PDZRN4: variants seen among roughly 807,000 people sequenced by gnomAD.
PDZRN4 encodes PDZ domain containing ring finger 4.
Under a neutral mutation model 99.0 loss-of-function variants are expected in PDZRN4, and 70 were observed. That is an observed-to-expected ratio of 0.71 (90% CI 0.58 to 0.86). The LOEUF is 0.86. Ranked by LOEUF, PDZRN4 falls within the 40% of genes least tolerant of loss-of-function variation. The pLI is 0.00. For synonymous variants in PDZRN4, 551 were observed against 501.6 expected (o/e 1.10, Z -1.32); for missense variants, 1,474 against 1,331.2 (o/e 1.11, Z -1.67).
At position 41,191,469 on chromosome 12, in the gene PDZRN4, T is replaced by C; in HGVS notation, c.660T>C (p.His220=). 6.5e-7 allele frequency: 1 copy of C among 1,536,680 alleles called. No homozygotes were observed. The highest frequency in any genetic ancestry group is 1.1e-5 in the South Asian group (1 of 88,948). The change falls in exon 2 of 10, where the codon CAT becomes CAC. Residue 220 remains histidine, a synonymous_variant. Transcript: ENST00000402685. ...ACATTTTTTTCTAGGATGGAGAGCA[T>C]AAGCCATTCACTATTGTGTTAGAAA... ...LGGGHRRDGE[H]KPFTIVLERE...
intron 3 of PDZRN4, among the ~76,000 whole-genome samples, chr12:41,483,834 A>G (rs1216895015): frequency 1.3e-5 from 2 of 152,184 alleles, no homozygotes; most frequent in Non-Finnish European, 2.9e-5. Flanking sequence ...TCAAGTAGAA[A>G]TTCTCTTTGG....
chr12:41,522,465 C>A (rs552337180), intron 5 of PDZRN4, among the ~76,000 whole-genome samples: 77 of 152,128 alleles, frequency 5.1e-4, no homozygotes, highest in African/African-American at 1.8e-3. Context: ...GCAATACAAC[C>A]GAGTGTAGGA....
chr12:41,512,925 G>A (rs1938332563), intron 5 of PDZRN4, among the ~76,000 whole-genome samples: 1 of 152,082 alleles, frequency 6.6e-6, no homozygotes, highest in African/African-American at 2.4e-5. Context: ...ACCAGAGCAA[G>A]AGCAATGCAT....
rs546005519 is a variant in PDZRN4, at chr12:41,308,920, C to G, written c.843+114732C>G. Among the ~76,000 whole-genome samples the G allele has an allele frequency of 5.7e-4, 87 of 152,136 alleles. 1 individual carries two copies. The highest frequency in any genetic ancestry group is 1.9e-3 in the African/African-American group (80 of 41,548). On this transcript the variant is annotated intron_variant, in intron 3 of 9. Coordinates refer to ENST00000402685, the MANE Select transcript of PDZRN4 (RefSeq NM_001164595.2). The stretch of plus-strand genomic sequence containing the variant: ...ATGTGATTTATCACATTCATAAATA[C>G]GCTTATAATAAATTACCTCAATATA...
rs144068676 is a variant in PDZRN4, at chr12:41,261,609, C to A, written c.843+67421C>A. On this transcript the variant is annotated intron_variant, in intron 3 of 9. Transcript: ENST00000402685. ...GGTTCACGCCATTCTCCTGCCTCAGCCTCTCGAGTAGCTGGGACTACAGGC... is the reference window on the plus strand; with the variant it reads ...GGTTCACGCCATTCTCCTGCCTCAGACTCTCGAGTAGCTGGGACTACAGGC... Among the ~76,000 whole-genome samples, 192 of 152,260 alleles carry A rather than the reference C, an allele frequency of 1.3e-3. 2 individuals are homozygous for A. The East Asian group carries it at 0.029, about 23-fold the overall frequency.
chr12:41,470,182 A>G (rs1297888731), intron 3 of PDZRN4, among the ~76,000 whole-genome samples: 1 of 152,082 alleles, frequency 6.6e-6, no homozygotes, highest in Non-Finnish European at 1.5e-5. Flanking sequence ...AGTTTTGTGG[A>G]TACAATTGAG....
intron 3 of PDZRN4, among the ~76,000 whole-genome samples, chr12:41,498,826 G>A (rs940756655): frequency 2.6e-5 from 4 of 151,950 alleles, no homozygotes; most frequent in Non-Finnish European, 4.4e-5. Context: ...GTGTAAATTT[G>A]CTAAATCTGA....
intron 3 of PDZRN4, among the ~76,000 whole-genome samples, chr12:41,421,441 C>T (rs61924137): frequency 0.21 from 32,121 of 152,102 alleles, 3,755 homozygotes; most frequent in Non-Finnish European, 0.27. Context: ...GATCCACCTA[C>T]CTTGGCCTCC....
chr12:41,504,769 G>A (rs1423597388), intron 3 of PDZRN4, among the ~76,000 whole-genome samples: 1 of 152,076 alleles, frequency 6.6e-6, no homozygotes, highest in Non-Finnish European at 1.5e-5. Flanking sequence ...AAAACTCAGT[G>A]ATAATTTTTC....
intron 3 of PDZRN4, among the ~76,000 whole-genome samples, chr12:41,410,530 G>C (rs1952389629): frequency 6.6e-6 from 1 of 152,188 alleles, no homozygotes; most frequent in South Asian, 2.1e-4. Flanking sequence ...GGGCCAGGCT[G>C]AAGTGAAATG....
chr12:41,217,747 C>A (rs990600451), intron 3 of PDZRN4, among the ~76,000 whole-genome samples: 1 of 152,024 alleles, frequency 6.6e-6, no homozygotes, highest in African/African-American at 2.4e-5. Flanking sequence ...CATACAGACA[C>A]CTTCCATCCT....
In PDZRN4 at chr12:41,445,950, C is replaced by T. The variant is rs193256175; in HGVS notation, c.844-60506C>T. ...TCCAAAGTCATCAATATAACCTGTC[C>T]CATCTCCATCTCCCTTCCAGCTGTA... is the stretch of plus-strand genomic sequence containing the variant. On this transcript the variant is annotated intron_variant, in intron 3 of 9. Coordinates refer to ENST00000402685, the MANE Select transcript of PDZRN4 (RefSeq NM_001164595.2). Among the ~76,000 whole-genome samples, 28 of 152,104 alleles carry T rather than the reference C, an allele frequency of 1.8e-4. No individual in the cohort carries two copies. In the East Asian group the frequency reaches 5.4e-3, roughly 29 times the overall value.
At chr12:41,548,474 C>T (rs746746316) in intron 5 of PDZRN4, among the ~76,000 whole-genome samples, 3 of 152,032 alleles carry the variant, frequency 2.0e-5, no homozygotes, top group Admixed American at 6.6e-5. Flanking sequence ...AAATGAAAAC[C>T]AGGAAAATAA....
chr12:41,502,422 C>T (rs1938127610), intron 3 of PDZRN4, among the ~76,000 whole-genome samples: 1 of 152,158 alleles, frequency 6.6e-6, no homozygotes, highest in Admixed American at 6.6e-5. Context: ...ATGCTTAAAT[C>T]AAATTGCTCT....
intron 5 of PDZRN4, among the ~76,000 whole-genome samples, chr12:41,537,655 G>C (rs1315378736): frequency 4.6e-5 from 7 of 152,098 alleles, no homozygotes; most frequent in African/African-American, 1.7e-4. Context: ...TGTGTTTAAG[G>C]ACTTATATTA....
intron 3 of PDZRN4, among the ~76,000 whole-genome samples, chr12:41,481,066 A>G (rs764101460): frequency 6.6e-5 from 10 of 151,962 alleles, no homozygotes; most frequent in Non-Finnish European, 8.8e-5. Context: ...AGTGTGGTGT[A>G]AGGATTTCTC....
At chr12:41,549,494 A>G (rs1163615682) in intron 5 of PDZRN4, among the ~76,000 whole-genome samples, 1 of 152,186 alleles carries the variant, frequency 6.6e-6, no homozygotes, top group Non-Finnish European at 1.5e-5. Context: ...TTTAATATAA[A>G]CTATGTAGTA....
intron 3 of PDZRN4, among the ~76,000 whole-genome samples, chr12:41,318,499 G>T (rs1270565093): frequency 6.6e-6 from 1 of 152,140 alleles, no homozygotes; most frequent in Non-Finnish European, 1.5e-5. Flanking sequence ...AATACATTGT[G>T]GTGTCTCACT....
chr12:41,229,590 G>T (rs1951015922), intron 3 of PDZRN4, among the ~76,000 whole-genome samples: 1 of 152,032 alleles, frequency 6.6e-6, no homozygotes, highest in African/African-American at 2.4e-5. Context: ...AGGAATAGTT[G>T]CAGTTCTGGT....
Sources: allele counts gnomAD v4.1 joint callset (sites outside exome capture counted in the v4.1 genomes callset), GRCh38; gene constraint gnomAD v4.1.1; transcripts MANE v1.5; gene names NCBI Gene and HGNC (gene_info 2026-07-23, HGNC 2026-07-21).